The following SGCZ variants were observed in gnomAD, a reference collection of about 807,000 sequenced individuals.
SGCZ encodes zeta-sarcoglycan.
A neutral mutation model predicts 41.3 loss-of-function variants in SGCZ; 40 were observed. That is an observed-to-expected ratio of 0.97 (90% CI 0.75 to 1.26). SGCZ has a LOEUF of 1.26. SGCZ is among the 50% of genes most tolerant of loss of function. The probability of loss-of-function intolerance (pLI) is 0.00; values close to 1 mark genes in which losing one functional copy is unlikely to be tolerated. For synonymous variants in SGCZ, 206 were observed against 137.5 expected (o/e 1.50, Z -3.49); for missense variants, 552 against 369.8 (o/e 1.49, Z -4.04).
intron 1 of SGCZ, among the ~76,000 whole-genome samples, chr8:14,819,988 C>T (rs60924482): frequency 0.13 from 19,043 of 151,944 alleles, 1,655 homozygotes; most frequent in East Asian, 0.26. Context: ...AAACAACTAA[C>T]AAAATGGCAG....
chr8:14,143,872 C>G (rs1427360724), intron 5 of SGCZ, among the ~76,000 whole-genome samples: 2 of 152,146 alleles, frequency 1.3e-5, no homozygotes, highest in East Asian at 1.9e-4. Context: ...AGGCATTGGA[C>G]TCAGTAGTGT....
rs576760357 is a variant in SGCZ at position 14,324,058 on chromosome 8, C to G, written c.336+45G>C. 10 of 1,339,722 alleles carry G rather than the reference C, an allele frequency of 7.5e-6. 1 individual carries two copies. In the East Asian group the frequency reaches 2.3e-4, roughly 31 times the overall value. The allele number at this position is 1,339,722 out of a possible 1,614,324, so 83.0% of individuals were successfully genotyped here. A position where few individuals can be genotyped will look rare whatever the true frequency, so the allele number is the denominator to read the frequency against. ...CCTGCTATTTCAAGCTAAAACATAA[C>G]CTCTAAATTATCTTTTAGAGTAAGC... On this transcript the variant is annotated intron_variant, in intron 3 of 7. Coordinates refer to ENST00000382080, the MANE Select transcript of SGCZ (RefSeq NM_139167.4).
chr8:14,860,706 A>C (rs528496587), intron 1 of SGCZ, among the ~76,000 whole-genome samples: 1 of 96,098 alleles, frequency 1.0e-5, no homozygotes, highest in South Asian at 3.4e-4. Context: ...GAAAGAAAGA[A>C]AGAGAAAGAA....
At chr8:15,106,760 C>T (rs1293939634) in intron 1 of SGCZ, among the ~76,000 whole-genome samples, 1 of 151,816 alleles carries the variant, frequency 6.6e-6, no homozygotes, top group Non-Finnish European at 1.5e-5. Context: ...TTTAAAAATA[C>T]GTGGCAATTT....
chr8:14,719,829 C>A (rs1274631662), intron 1 of SGCZ, among the ~76,000 whole-genome samples: 1 of 151,840 alleles, frequency 6.6e-6, no homozygotes, highest in Non-Finnish European at 1.5e-5. Context: ...ATGGTAGTTT[C>A]TTTTGCTGTG....
At chr8:14,147,920 T>C (rs1803577899) in intron 5 of SGCZ, among the ~76,000 whole-genome samples, 1 of 152,018 alleles carries the variant, frequency 6.6e-6, no homozygotes, top group Non-Finnish European at 1.5e-5. Context: ...ACTATACAAA[T>C]ACCTAGAAAT....
At chr8:14,260,470 G>A (rs1054872073) in intron 3 of SGCZ, among the ~76,000 whole-genome samples, 1 of 146,512 alleles carries the variant, frequency 6.8e-6, no homozygotes, top group Admixed American at 7.0e-5. Context: ...AGGATGTGGA[G>A]AAATAGGAAC....
rs1018017542 is a variant in SGCZ at position 14,447,023 on chromosome 8, A to G, written c.234+107709T>C. Among the ~76,000 whole-genome samples, 5 of 152,226 alleles carry G rather than the reference A, an allele frequency of 3.3e-5. No homozygotes were observed. The South Asian group carries it at 8.3e-4, about 25-fold the overall frequency. ...ATAAACATGAAAATAGCAAAGATGC[A>G]TAATTCATTTCAGCAGTTTTCCGAG... On this transcript the variant is annotated intron_variant, in intron 2 of 7. Coordinates refer to ENST00000382080, the MANE Select transcript of SGCZ (RefSeq NM_139167.4).
chr8:14,503,234 G>T (rs1183350653), intron 2 of SGCZ, among the ~76,000 whole-genome samples: 1 of 152,068 alleles, frequency 6.6e-6, no homozygotes, highest in Non-Finnish European at 1.5e-5. Context: ...CTCATAAGTG[G>T]GAGCTGAACA....
intron 1 of SGCZ, among the ~76,000 whole-genome samples, chr8:14,903,750 T>C (rs1305110963): frequency 6.6e-6 from 1 of 152,048 alleles, no homozygotes; most frequent in Non-Finnish European, 1.5e-5. Context: ...GAGTACATTA[T>C]ATACTAGTCA....
intron 1 of SGCZ, among the ~76,000 whole-genome samples, chr8:15,114,535 G>C (rs1563133725): frequency 6.6e-6 from 1 of 152,142 alleles, no homozygotes. Context: ...ATCACTATTT[G>C]ATTAACAAAA....
At chr8:14,337,536 G>A (rs774522389) in intron 2 of SGCZ, among the ~76,000 whole-genome samples, 5 of 152,148 alleles carry the variant, frequency 3.3e-5, no homozygotes, top group African/African-American at 7.2e-5. Context: ...ACTCCCGGAA[G>A]TATGGGAAAA....
chr8:15,067,692 T>C (rs1805204210), intron 1 of SGCZ, among the ~76,000 whole-genome samples: 2 of 152,316 alleles, frequency 1.3e-5, no homozygotes, highest in African/African-American at 4.8e-5. Flanking sequence ...TATTAACCTC[T>C]ATCTACCTCA....
At chr8:14,608,497 G>A (rs1037175996) in intron 1 of SGCZ, among the ~76,000 whole-genome samples, 8 of 151,870 alleles carry the variant, frequency 5.3e-5, no homozygotes, top group African/African-American at 1.9e-4. Flanking sequence ...GAGAGAGAGA[G>A]GAGGAGATGC....
At chr8:14,200,246 A>C (rs1483625116) in intron 4 of SGCZ, among the ~76,000 whole-genome samples, 3 of 152,234 alleles carry the variant, frequency 2.0e-5, no homozygotes. Flanking sequence ...GACTGTGTTC[A>C]TGGATTAAAA....
chr8:14,650,966 C>T (rs1807378954), intron 1 of SGCZ, among the ~76,000 whole-genome samples: 1 of 151,858 alleles, frequency 6.6e-6, no homozygotes, highest in Non-Finnish European at 1.5e-5. Context: ...ATGTCTTATA[C>T]ATTTTCTTAA....
intron 2 of SGCZ, among the ~76,000 whole-genome samples, chr8:14,502,409 A>C (rs1482384650): frequency 6.6e-6 from 1 of 152,158 alleles, no homozygotes; most frequent in African/African-American, 2.4e-5. Context: ...TCTTCATCTC[A>C]TTTAGGGTTA....
chr8:14,285,676 C>T (rs935563376), intron 3 of SGCZ, among the ~76,000 whole-genome samples: 19 of 151,878 alleles, frequency 1.3e-4, no homozygotes, highest in African/African-American at 4.6e-4. Flanking sequence ...CCTGACTATC[C>T]CAAGAATAGT....
At position 14,140,094 on chromosome 8, in the gene SGCZ, C is replaced by A. The variant is rs557473045; in HGVS notation, c.547+24486G>T. Among the ~76,000 whole-genome samples the A allele has an allele frequency of 3.3e-5, 5 of 152,202 alleles. No individual in the cohort carries two copies. In the East Asian group the frequency reaches 9.7e-4, roughly 29 times the overall value. ...AACCACATGATTGTTTCAATAGATG[C>A]AGAAAATACCTTCGACAAAATTCAA... On this transcript the variant is annotated intron_variant, in intron 5 of 7. Coordinates refer to ENST00000382080, the MANE Select transcript of SGCZ (RefSeq NM_139167.4).
Sources: allele counts gnomAD v4.1 joint callset (sites outside exome capture counted in the v4.1 genomes callset), GRCh38; gene constraint gnomAD v4.1.1; transcripts MANE v1.5; gene names NCBI Gene and HGNC (gene_info 2026-07-23, HGNC 2026-07-21).